KLHL13: variants seen among roughly 807,000 people sequenced by gnomAD.
The protein encoded by KLHL13 is kelch like family member 13.
A neutral mutation model predicts 37.1 loss-of-function variants in KLHL13; 10 were observed. That is an observed-to-expected ratio of 0.27 (90% CI 0.17 to 0.46). The LOEUF is 0.46. KLHL13 is among the 20% of genes least tolerant of loss of function. KLHL13 has a pLI of 1.00. For synonymous variants in KLHL13, 163 were observed against 181.2 expected (o/e 0.90, Z 0.81); for missense variants, 360 against 509.3 (o/e 0.71, Z 2.82).
intron 1 of KLHL13, among the ~76,000 whole-genome samples, chrX:118,032,675 G>T (rs1388851740): frequency 8.9e-6 from 1 of 112,077 alleles, no homozygotes; most frequent in East Asian, 2.8e-4. Flanking sequence ...ACTCTAAAAA[G>T]CAGAGCACCT....
intron 2 of KLHL13, among the ~76,000 whole-genome samples, chrX:117,923,675 G>A (rs1031105569): frequency 1.8e-5 from 2 of 111,263 alleles, no homozygotes; most frequent in African/African-American, 3.3e-5. Flanking sequence ...CTGAAAAGAG[G>A]AGTAGCTTGT....
At position 118,089,640 on chromosome X, in the gene KLHL13, A is replaced by C. The variant is rs182263714; in HGVS notation, c.-56+26868T>G. ...AGAAAGAGAAAGAAAGAAAGAAAGA[A>C]AGAAAGAAAGAAAGAAAGAAAGAAA... On this transcript the variant is annotated intron_variant, in intron 1 of 6. Transcript: ENST00000371882. Among the ~76,000 whole-genome samples the C allele has an allele frequency of 2.6e-3, 261 of 99,857 alleles. 4 individuals carry two copies. The highest frequency in any genetic ancestry group is 0.01 in the African/African-American group (242 of 23,636). The allele number at this position is 99,857 out of a possible 115,157, so 86.7% of individuals were successfully genotyped here. A position where few individuals can be genotyped will look rare whatever the true frequency, so the allele number is the denominator to read the frequency against.
At chrX:118,091,996 G>A (rs1036613495) in intron 1 of KLHL13, among the ~76,000 whole-genome samples, 4 of 111,772 alleles carry the variant, frequency 3.6e-5, no homozygotes, top group South Asian at 3.8e-4. Flanking sequence ...ACTCATATGC[G>A]GGAGCTAAGC....
At chrX:118,051,377 G>T (rs2054611606) in intron 1 of KLHL13, among the ~76,000 whole-genome samples, 1 of 108,677 alleles carries the variant, frequency 9.2e-6, no homozygotes, top group South Asian at 4.0e-4. Flanking sequence ...CGTATCTACT[G>T]AAAATACAAA....
chrX:117,985,110 C>T (rs960871123), intron 1 of KLHL13: 6 of 402,815 alleles, frequency 1.5e-5, no homozygotes, highest in Non-Finnish European at 2.0e-5. Context: ...ACCAATATGT[C>T]TCCTGAATTC....
At chrX:118,049,891 C>T (rs1369002206) in intron 1 of KLHL13, among the ~76,000 whole-genome samples, 1 of 111,977 alleles carries the variant, frequency 8.9e-6, no homozygotes, top group Non-Finnish European at 1.9e-5. Context: ...GGCTGACACA[C>T]TCTTCTCAAC....
intron 1 of KLHL13, among the ~76,000 whole-genome samples, chrX:118,100,280 C>T (rs965468488): frequency 9.0e-6 from 1 of 111,431 alleles, no homozygotes; most frequent in Admixed American, 9.6e-5. Context: ...TAGCATGGGC[C>T]GATGCTGCAG....
intron 5 of KLHL13, among the ~76,000 whole-genome samples, chrX:117,906,227 G>A (rs1930525417): frequency 9.0e-6 from 1 of 111,584 alleles, no homozygotes; most frequent in Non-Finnish European, 1.9e-5. Context: ...CTCAGTTTCT[G>A]GCAGGAACAT....
intron 1 of KLHL13, among the ~76,000 whole-genome samples, chrX:118,028,981 T>C (rs1267026057): frequency 3.6e-5 from 4 of 111,858 alleles, no homozygotes; most frequent in Non-Finnish European, 7.5e-5. Flanking sequence ...ATGCTATATA[T>C]GCCACTTGTC....
intron 1 of KLHL13, among the ~76,000 whole-genome samples, chrX:117,970,077 A>G (rs1359062776): frequency 8.9e-6 from 1 of 111,858 alleles, no homozygotes; most frequent in Non-Finnish European, 1.9e-5. Context: ...AGCAGCACAT[A>G]CACTGGGTTT....
chrX:117,955,985 C>T (rs1463554577), intron 1 of KLHL13, among the ~76,000 whole-genome samples: 1 of 111,294 alleles, frequency 9.0e-6, no homozygotes, highest in African/African-American at 3.3e-5. Flanking sequence ...AGAACTGGTT[C>T]CTGGTTTTTC....
intron 1 of KLHL13, among the ~76,000 whole-genome samples, chrX:117,963,920 T>C (rs1300896194): frequency 4.1e-5 from 4 of 96,860 alleles, no homozygotes; most frequent in East Asian, 6.7e-4. Context: ...GAAACCATCA[T>C]TCTCAGTAAA....
intron 1 of KLHL13, among the ~76,000 whole-genome samples, chrX:118,114,538 C>T (rs2148198231): frequency 8.9e-6 from 1 of 112,407 alleles, no homozygotes; most frequent in East Asian, 2.8e-4. Flanking sequence ...ATAGTATAAA[C>T]TCTTTTCCTT....
intron 2 of KLHL13, among the ~76,000 whole-genome samples, chrX:117,941,551 T>A (rs964193862): frequency 4.5e-5 from 5 of 111,682 alleles, no homozygotes; most frequent in Admixed American, 1.9e-4. Flanking sequence ...GACTTCTTCC[T>A]AGTTTAGTCT....
At chrX:117,974,247 T>C (rs1305437474), upstream of KLHL13, among the ~76,000 whole-genome samples, 1 of 111,818 alleles carries the variant, frequency 8.9e-6, no homozygotes, top group African/African-American at 3.3e-5. Context: ...CAATTCACAA[T>C]CATAGTACCC....
At chrX:117,909,909 G>T (rs772561994) in exon 5 of KLHL13, 12 of 1,211,543 alleles carry the variant, frequency 9.9e-6, no homozygotes, top group Non-Finnish European at 1.3e-5. Flanking sequence ...CTCAAGTTCA[G>T]TACAGTGCTT....
intron 1 of KLHL13, among the ~76,000 whole-genome samples, chrX:118,024,525 A>G (rs1363144700): frequency 1.8e-5 from 2 of 111,964 alleles, no homozygotes; most frequent in African/African-American, 3.2e-5. Context: ...AGAGTGAACT[A>G]AAACCTCCTA....
At chrX:118,116,512 C>G (rs1207051844) in exon 1 of KLHL13, 1 of 112,813 alleles carries the variant, frequency 8.9e-6, no homozygotes, top group Non-Finnish European at 1.9e-5. Context: ...CCTCACCTTG[C>G]TCGCCGCGTC....
At chrX:117,952,427 G>A (rs1933664088) in intron 1 of KLHL13, among the ~76,000 whole-genome samples, 1 of 108,587 alleles carries the variant, frequency 9.2e-6, no homozygotes, top group South Asian at 4.1e-4. Flanking sequence ...AGACTTAAAT[G>A]TTAGACCTAA....
Sources: allele counts gnomAD v4.1 joint callset (sites outside exome capture counted in the v4.1 genomes callset), GRCh38; gene constraint gnomAD v4.1.1; transcripts MANE v1.5; gene names NCBI Gene and HGNC (gene_info 2026-07-23, HGNC 2026-07-21).